INVS: variants seen among roughly 807,000 people sequenced by gnomAD.
The protein encoded by INVS is inversin, also known as inversion of embryo turning homolog.
INVS carries 86 observed loss-of-function variants against 108.8 expected under a neutral mutation model. That is an observed-to-expected ratio of 0.79 (90% CI 0.66 to 0.95). INVS has a LOEUF of 0.95. INVS is among the 40% of genes least tolerant of loss of function. INVS has a pLI of 0.00. For synonymous variants in INVS, 455 were observed against 473.5 expected, an observed-to-expected ratio of 0.96 and a Z score of 0.51; for missense variants, 1,169 against 1,297.4, an observed-to-expected ratio of 0.90 and a Z score of 1.52.
At chr9:100,291,051 A>G (rs1833596771) in intron 13 of INVS, among the ~76,000 whole-genome samples, 1 of 149,392 alleles carries the variant, frequency 6.7e-6, no homozygotes, top group East Asian at 2.0e-4. Context: ...TGGATAATCT[A>G]TGTGCCTGTT....
chr9:100,106,219 TCTTC>T lies in INVS; in HGVS notation c.106+1595_106+1598del, dbSNP rs141564093. Among the ~76,000 whole-genome samples, 1,197 of 152,256 alleles carry T rather than the reference TCTTC, an allele frequency of 7.9e-3. 19 individuals carry two copies. The highest frequency in any genetic ancestry group is 0.027 in the African/African-American group (1,134 of 41,540). ...GATCTGTACCCATCTTCTCTCTTCA[TCTTC>T]CTGCTAAAACAGAGCAAAGATCCAT... On this transcript the variant is annotated intron_variant, in intron 2 of 16. Transcript: ENST00000262457.
intron 3 of INVS, among the ~76,000 whole-genome samples, chr9:100,163,144 C>G (rs1829244078): frequency 6.6e-6 from 1 of 151,172 alleles, no homozygotes. Context: ...TTTCTTGCCA[C>G]TGGGGTGACC....
At chr9:100,167,263 C>CT (rs1345927068) in intron 3 of INVS, among the ~76,000 whole-genome samples, 1 of 151,908 alleles carries the variant, frequency 6.6e-6, no homozygotes, top group Non-Finnish European at 1.5e-5. Context: ...GAGTAAAAGA[C>CT]TAAGTATTTC....
At chr9:100,216,946 T>C (rs1831008315) in intron 3 of INVS, among the ~76,000 whole-genome samples, 1 of 152,156 alleles carries the variant, frequency 6.6e-6, no homozygotes, top group African/African-American at 2.4e-5. Context: ...CAGGGGGTCT[T>C]CTCACCCTTG....
At chr9:100,246,141 A>T (rs1832038952) in intron 7 of INVS, among the ~76,000 whole-genome samples, 1 of 151,514 alleles carries the variant, frequency 6.6e-6, no homozygotes, top group Non-Finnish European at 1.5e-5. Flanking sequence ...CAACAGAGTA[A>T]GACTCCCTCT....
chr9:100,182,846 A>G (rs1339922287), intron 3 of INVS, among the ~76,000 whole-genome samples: 1 of 152,192 alleles, frequency 6.6e-6, no homozygotes, highest in Non-Finnish European at 1.5e-5. Flanking sequence ...TTATTGCAGC[A>G]CTATTCACAA....
chr9:100,267,353 T>C (rs1940595942), intron 11 of INVS, among the ~76,000 whole-genome samples: 1 of 152,234 alleles, frequency 6.6e-6, no homozygotes, highest in African/African-American at 2.4e-5. Context: ...TCTTTGTTAA[T>C]GTTTCATCAG....
At chr9:100,232,200 T>C (rs550872912) in intron 5 of INVS, among the ~76,000 whole-genome samples, 1 of 140,768 alleles carries the variant, frequency 7.1e-6, no homozygotes, top group South Asian at 2.1e-4. Flanking sequence ...TTTTAATGAG[T>C]TTTTTTTTTC....
intron 10 of INVS, among the ~76,000 whole-genome samples, chr9:100,254,515 G>A (rs945424892): frequency 1.2e-4 from 19 of 152,132 alleles, no homozygotes; most frequent in African/African-American, 4.3e-4. Flanking sequence ...GAATGGTATT[G>A]CCTAGGTTTT....
At chr9:100,287,070 G>A (rs916376325) in intron 13 of INVS, among the ~76,000 whole-genome samples, 1 of 152,102 alleles carries the variant, frequency 6.6e-6, no homozygotes, top group Non-Finnish European at 1.5e-5. Context: ...GTTTGTTTAC[G>A]GGCTTCATCT....
In INVS at chr9:100,252,458, C is replaced by G. The variant is rs1832267785; in HGVS notation, c.1234+20C>G. On this transcript the variant is annotated intron_variant, in intron 9 of 16. Coordinates refer to ENST00000262457, the MANE Select transcript of INVS (RefSeq NM_014425.5). The stretch of plus-strand genomic sequence containing the variant: ...TTAAAGGTGGGCTAATAAGAGTACT[C>G]CTAATAAGTCTCTCTTAACAGGTAG... 2 of 1,606,834 alleles carry G rather than the reference C, an allele frequency of 1.2e-6. No homozygotes were observed. Among genetic ancestry groups the G allele is most frequent in the Non-Finnish European group, 1.7e-6 (2 of 1,173,718 alleles).
At chr9:100,139,835 G>T (rs1198250688) in intron 3 of INVS, among the ~76,000 whole-genome samples, 1 of 152,114 alleles carries the variant, frequency 6.6e-6, no homozygotes, top group Non-Finnish European at 1.5e-5. Flanking sequence ...AGAGACAGGG[G>T]TTTCGCCTTA....
chr9:100,100,901 ATGTATATATATTATATG>A (rs1195381978), intron 1 of INVS, among the ~76,000 whole-genome samples: 2 of 52,966 alleles, frequency 3.8e-5, no homozygotes, highest in African/African-American at 2.3e-4. Context: ...TATATTATAT[ATGTATATATATTATATG>A]TATATATATA....
Position 100,252,349 on chromosome 9 carries a change from A to C in INVS, c.1145A>C (p.Gln382Pro). 1 of 1,613,998 alleles carries C rather than the reference A, an allele frequency of 6.2e-7. No individual in the cohort carries two copies. Among genetic ancestry groups the C allele is most frequent in the Non-Finnish European group, 8.5e-7 (1 of 1,179,862 alleles). The change falls in exon 9 of 17, where the codon CAA becomes CCA. Residue 382 changes from glutamine (Q) to proline (P), a missense_variant. Around this residue, in one of 3 missense-constraint regions of INVS, gnomAD observed 271 missense variants for 363.8 expected, o/e 0.74. Transcript: ENST00000262457. ...TVKLLLENNA[Q>P]VDATDVMKHT... ...AAGTTATTACTGGAAAATAATGCTC[A>C]AGTAGATGCTACTGATGTTATGAAA... is the stretch of plus-strand genomic sequence containing the variant.
chr9:100,278,646 T>C lies in INVS; in HGVS notation c.1784+5570T>C, dbSNP rs74824529. ...AGGGTCTAAAACCTTACATAAGCCATTGATCACTGTAGGCCTTAGTTTCCC... is the reference window on the plus strand; with the variant it reads ...AGGGTCTAAAACCTTACATAAGCCACTGATCACTGTAGGCCTTAGTTTCCC... On this transcript the variant is annotated intron_variant, in intron 12 of 16. Coordinates refer to ENST00000262457, the MANE Select transcript of INVS (RefSeq NM_014425.5). 9.4e-3 allele frequency among the ~76,000 whole-genome samples: 1,427 copies of C among 152,338 alleles called. 23 individuals carry two copies. Among genetic ancestry groups the C allele is most frequent in the African/African-American group, 0.032 (1,347 of 41,574 alleles).
chr9:100,184,754 C>T (rs944669316), intron 3 of INVS, among the ~76,000 whole-genome samples: 1 of 151,988 alleles, frequency 6.6e-6, no homozygotes, highest in African/African-American at 2.4e-5. Context: ...TCAAAGAGAT[C>T]TTTCAGAGCA....
chr9:100,116,946 T>C, intron 2 of INVS: 4 of 1,544,452 alleles, frequency 2.6e-6, no homozygotes, highest in Non-Finnish European at 3.5e-6. Context: ...AGGGTGGCAT[T>C]GCAGCCCCGG....
At chr9:100,298,847 A>G (rs1833867500) in intron 16 of INVS, among the ~76,000 whole-genome samples, 1 of 151,988 alleles carries the variant, frequency 6.6e-6, no homozygotes, top group Non-Finnish European at 1.5e-5. Flanking sequence ...GAAACTTTCA[A>G]AGCAATCAAG....
rs1377464785 is a variant in INVS, at chr9:100,172,423, C to A, written c.273+45874C>A. 3.3e-5 allele frequency among the ~76,000 whole-genome samples: 5 copies of A among 152,106 alleles called. No homozygotes were observed. In the East Asian group the frequency reaches 9.6e-4, roughly 29 times the overall value. On this transcript the variant is annotated intron_variant, in intron 3 of 16. Transcript: ENST00000262457. ...TGGATACAGTTTAATATCTAACATA[C>A]TTGGATCATTTTGTTTTCTATTTTT...
Sources: gnomAD v4.1 joint callset for allele counts (sites outside exome capture counted in the v4.1 genomes callset) on GRCh38, gnomAD v4.1.1 for gene constraint, gnomAD v4.1.1 regional missense constraint, MANE v1.5 for transcripts, NCBI Gene and HGNC (gene_info 2026-07-23, HGNC 2026-07-21) for gene names.